Variants in RETREG3 observed in about 807,000 individuals in gnomAD.
RETREG3 encodes the protein reticulophagy regulator family member 3.
In RETREG3, 23 loss-of-function variants were observed where a neutral mutation model predicts 50.2. The observed-to-expected ratio is 0.46, with a 90% CI of 0.33 to 0.65. The LOEUF (loss-of-function observed/expected upper bound fraction) is 0.65. Among genes scored for constraint, RETREG3 ranks in the 30% least tolerant of loss-of-function variants. RETREG3 has a pLI of 0.02. For synonymous variants in RETREG3, 240 were observed against 234.4 expected, an observed-to-expected ratio of 1.02 and a Z score of -0.22; for missense variants, 546 against 598.0, an observed-to-expected ratio of 0.91 and a Z score of 0.91.
In RETREG3 at chr17:42,609,193, C is replaced by G; in HGVS notation, c.132G>C (p.Glu44Asp). The G allele has an allele frequency of 6.2e-7, 1 of 1,609,512 alleles. No individual in the cohort carries two copies. The highest frequency in any genetic ancestry group is 8.5e-7 in the Non-Finnish European group (1 of 1,179,812). ...GCAGAGGCTCGTAAGGCCCCAGCAC[C>G]TCCACCAGGGCCCGCTGCGCCGCCT... ...QVEAAQRALVEVLGPYEPLLS... is the reference protein window; with the variant it reads ...QVEAAQRALVDVLGPYEPLLS... The change falls in exon 1 of 9, where the codon GAG becomes GAC. Residue 44 changes from glutamate to aspartate, a missense_variant. Coordinates refer to ENST00000309428, the MANE Select transcript of RETREG3 (RefSeq NM_178126.4).
intron 2 of RETREG3, 123 bp from the exon 3 acceptor site, chr17:42,587,987 T>C (rs2093124544): frequency 5.7e-6 from 6 of 1,059,282 alleles, no homozygotes; most frequent in Admixed American, 5.4e-5. Flanking sequence ...TAATAGCCGA[T>C]AAAAAAGGAG....
intron 4 of RETREG3, chr17:42,586,463 AAC>A (rs2093121419): frequency 1.2e-5 from 5 of 415,898 alleles, no homozygotes; most frequent in East Asian, 8.8e-5. Flanking sequence ...AACCCAAAAA[AAC>A]ACAACAACCT....
At chr17:42,586,020 A>G in intron 5 of RETREG3, 33 bp downstream of exon 5, 2 of 1,601,988 alleles carry the variant, frequency 1.2e-6, no homozygotes, top group Non-Finnish European at 1.7e-6. Context: ...TGAGCAGGGT[A>G]TACTTTGTAG....
At chr17:42,591,258 G>T (rs1277677954) in intron 2 of RETREG3, among the ~76,000 whole-genome samples, 1 of 151,992 alleles carries the variant, frequency 6.6e-6, no homozygotes, top group African/African-American at 2.4e-5. Flanking sequence ...CATCTGTGGT[G>T]CTGGTCTATA....
chr17:42,595,707 C>T (rs1405210426), intron 1 of RETREG3, among the ~76,000 whole-genome samples: 5 of 127,946 alleles, frequency 3.9e-5, no homozygotes, highest in Non-Finnish European at 6.5e-5. Flanking sequence ...CTCTCTTGGT[C>T]GCCCAGGCTG....
rs896905456 is a variant in RETREG3 at position 42,590,733 on chromosome 17, T to G, written c.346+1323A>C. Among the ~76,000 whole-genome samples, 5 of 151,592 alleles carry G rather than the reference T, an allele frequency of 3.3e-5. No homozygotes were observed. In the South Asian group the frequency reaches 8.4e-4, roughly 25 times the overall value. On this transcript the variant is annotated intron_variant, in intron 2 of 8. Coordinates refer to ENST00000309428, the MANE Select transcript of RETREG3 (RefSeq NM_178126.4). ...TGTAATCCCAGCACTTTGGGAGGCC[T>G]AGGCGGGTGGATCACCTGAGGTCAG...
rs60457978 is a variant in RETREG3 at position 42,596,359 on chromosome 17, C to CAAAAAAAAAAAAAA, written c.240-4211_240-4198dup. ...GGCTGACAAATCTGAGACCCTTTCT[C>CAAAAAAAAAAAAAA]AAAAAAAAAAAAAAAAAAAAAAAAA... On this transcript the variant is annotated intron_variant, in intron 1 of 8. Coordinates refer to ENST00000309428, the MANE Select transcript of RETREG3 (RefSeq NM_178126.4). 9.3e-5 allele frequency among the ~76,000 whole-genome samples: 6 copies of CAAAAAAAAAAAAAA among 64,712 alleles called. 1 individual carries two copies. The highest frequency in any genetic ancestry group is 7.3e-4 in the Admixed American group (3 of 4,094). 42.5% of individuals were successfully genotyped at this position (64,712 alleles called of 152,430 possible). A position where few individuals can be genotyped will look rare whatever the true frequency, so the allele number is the denominator to read the frequency against.
At chr17:42,597,523 GTATA>G (rs200368557) in intron 1 of RETREG3, among the ~76,000 whole-genome samples, 86 of 117,004 alleles carry the variant, frequency 7.4e-4, no homozygotes, top group Admixed American at 1.1e-3. Context: ...GTGTGTGTGT[GTATA>G]TATATATATA....
intron 1 of RETREG3, among the ~76,000 whole-genome samples, chr17:42,593,375 C>G (rs964926614): frequency 6.6e-6 from 1 of 151,984 alleles, no homozygotes; most frequent in Non-Finnish European, 1.5e-5. Context: ...TGAGGCCAGG[C>G]GTGGTGGTTC....
At chr17:42,596,095 G>A (rs902760886) in intron 1 of RETREG3, among the ~76,000 whole-genome samples, 2 of 151,716 alleles carry the variant, frequency 1.3e-5, no homozygotes, top group African/African-American at 4.8e-5. Context: ...TCAGCCGGGT[G>A]CAATGGCTTA....
At chr17:42,595,650 C>T (rs2093142597) in intron 1 of RETREG3, among the ~76,000 whole-genome samples, 2 of 151,100 alleles carry the variant, frequency 1.3e-5, no homozygotes, top group Non-Finnish European at 2.9e-5. Flanking sequence ...CCAATGACAA[C>T]CCTATTTCTT....
At chr17:42,601,410 A>G (rs1200879177) in intron 1 of RETREG3, among the ~76,000 whole-genome samples, 4 of 150,546 alleles carry the variant, frequency 2.7e-5, no homozygotes, top group Non-Finnish European at 5.9e-5. Flanking sequence ...GGCTCTACTA[A>G]AAAATACAAA....
At chr17:42,598,085 C>CA (rs1472688599) in intron 1 of RETREG3, among the ~76,000 whole-genome samples, 1 of 148,966 alleles carries the variant, frequency 6.7e-6, no homozygotes, top group African/African-American at 2.5e-5. Flanking sequence ...GGGTTCATGC[C>CA]ATTCTCCTGC....
intron 1 of RETREG3, among the ~76,000 whole-genome samples, chr17:42,602,033 T>C (rs534890837): frequency 1.2e-4 from 19 of 152,246 alleles, no homozygotes; most frequent in African/African-American, 3.9e-4. Context: ...AATAGCTTTA[T>C]TGGTCGGGCA....
chr17:42,589,591 G>T (rs1320516080), intron 2 of RETREG3, among the ~76,000 whole-genome samples: 1 of 152,082 alleles, frequency 6.6e-6, no homozygotes, highest in East Asian at 1.9e-4. Context: ...ACACCACCAT[G>T]CCTGGGTAAT....
chr17:42,595,090 C>T (rs538705840), intron 1 of RETREG3, among the ~76,000 whole-genome samples: 2 of 150,032 alleles, frequency 1.3e-5, no homozygotes, highest in Non-Finnish European at 3.0e-5. Flanking sequence ...CTCAGCCTCC[C>T]GAGTAGCTGG....
chr17:42,580,169 C>G lies in RETREG3; in HGVS notation c.*1644G>C, dbSNP rs1482882568. On this transcript the variant is annotated 3_prime_UTR_variant, in exon 9 of 9. Transcript: ENST00000309428. ...TTCACTAGGGGCTGCAGAACAGATA[C>G]CCCTCAGAGGGGTCTCTGCTGATTA... The G allele has an allele frequency of 6.6e-6, 1 of 152,316 alleles. No individual in the cohort carries two copies. Among genetic ancestry groups the G allele is most frequent in the Non-Finnish European group, 1.5e-5 (1 of 68,042 alleles). The allele number at this position is 152,316 out of a possible 1,614,324, so 9.4% of individuals were successfully genotyped here.
At chr17:42,607,383 C>T (rs2093169652) in intron 1 of RETREG3, among the ~76,000 whole-genome samples, 1 of 151,300 alleles carries the variant, frequency 6.6e-6, no homozygotes, top group Admixed American at 6.6e-5. Context: ...ACCTCTGGTC[C>T]CAGCTATTGT....
intron 1 of RETREG3, among the ~76,000 whole-genome samples, chr17:42,594,962 AC>A (rs1348825810): frequency 7.2e-6 from 1 of 138,516 alleles, no homozygotes; most frequent in African/African-American, 2.7e-5. Context: ...TTTTTTTTTT[AC>A]TTTTTTTTTT....
Sources: allele counts gnomAD v4.1 joint callset (sites outside exome capture counted in the v4.1 genomes callset), GRCh38; gene constraint gnomAD v4.1.1; transcripts MANE v1.5; gene names NCBI Gene and HGNC (gene_info 2026-07-23, HGNC 2026-07-21).